Variants in GEMIN5 observed in about 807,000 individuals in gnomAD.
GEMIN5 encodes the protein gem-associated protein 5.
Under a neutral mutation model 176.9 loss-of-function variants are expected in GEMIN5, and 124 were observed. That is an observed-to-expected ratio of 0.70 (90% confidence interval 0.61 to 0.81). The LOEUF is 0.81. Among genes scored for constraint, GEMIN5 ranks in the 40% least tolerant of loss-of-function variants. The probability of loss-of-function intolerance (pLI) is 0.00; values close to 1 mark genes in which losing one functional copy is unlikely to be tolerated. For missense variants in GEMIN5, 1,843 were observed against 1,814.6 expected, an observed-to-expected ratio of 1.02 and a Z score of -0.28; for synonymous variants, 673 against 665.2, an observed-to-expected ratio of 1.01 and a Z score of -0.18.
intron 23 of GEMIN5, among the ~76,000 whole-genome samples, chr5:154,897,992 C>T (rs927365794): frequency 6.8e-5 from 10 of 147,030 alleles, no homozygotes; most frequent in African/African-American, 2.3e-4. Context: ...CTCCGCCTTC[C>T]GGGTTCAAGT....
intron 23 of GEMIN5, 39 bp downstream of exon 23, chr5:154,898,401 T>G (rs1219776112): frequency 2.0e-6 from 3 of 1,528,530 alleles, no homozygotes; most frequent in Non-Finnish European, 2.7e-6. Flanking sequence ...TTTGGGACAC[T>G]TCCCTCTTGT....
intron 22 of GEMIN5, 94 bp downstream of exon 22, chr5:154,899,097 C>A: frequency 8.1e-7 from 1 of 1,230,262 alleles, no homozygotes; most frequent in South Asian, 1.7e-5. Flanking sequence ...GCTGCTTTAC[C>A]TCCACCTCTA....
At position 154,895,461 on chromosome 5, in the gene GEMIN5, C is replaced by G. The variant is rs1452013651; in HGVS notation, c.3597+631G>C. 5.3e-5 allele frequency among the ~76,000 whole-genome samples: 8 copies of G among 151,994 alleles called. No homozygotes were observed. The East Asian group carries it at 9.7e-4, about 18-fold the overall frequency. ...AACAATGGCCTCTGAAATAAGCAAA[C>G]AGCAAAACAATACATGTGGCACTGA... On this transcript the variant is annotated intron_variant, in intron 24 of 27. Coordinates refer to ENST00000285873, the MANE Select transcript of GEMIN5 (RefSeq NM_015465.5).
intron 10 of GEMIN5, 38 bp downstream of exon 10, chr5:154,921,305 T>A (rs766869237): frequency 5.7e-6 from 5 of 883,218 alleles, no homozygotes; most frequent in Admixed American, 1.8e-5. Flanking sequence ...GAAGGAAGAA[T>A]ACTCTCATAT....
chr5:154,896,239 C>CGTG lies in GEMIN5; in HGVS notation c.3447_3449dup (p.Thr1150dup). 1 of 1,613,770 alleles carries CGTG rather than the reference C, an allele frequency of 6.2e-7. No homozygotes were observed. The highest frequency in any genetic ancestry group is 2.2e-5 in the East Asian group (1 of 44,850). ...TCTCCACGAAAGGCCCTTCGGTGCCCGTGTTCCAAGTGTGGTAAGAGGAGG... is the reference window on the plus strand; with the variant it reads ...TCTCCACGAAAGGCCCTTCGGTGCCCGTGGTGTTCCAAGTGTGGTAAGAGGAGG... On this transcript the variant is annotated inframe_insertion, in exon 24 of 28. Coordinates refer to ENST00000285873, the MANE Select transcript of GEMIN5 (RefSeq NM_015465.5).
chr5:154,924,261 T>A (rs898689706), intron 9 of GEMIN5, among the ~76,000 whole-genome samples: 1 of 152,114 alleles, frequency 6.6e-6, no homozygotes, highest in Non-Finnish European at 1.5e-5. Flanking sequence ...ATACGAAACA[T>A]AGGGAACAGG....
intron 3 of GEMIN5, among the ~76,000 whole-genome samples, chr5:154,933,390 T>C (rs895484611): frequency 6.6e-6 from 1 of 152,250 alleles, no homozygotes. Context: ...CTCTAGTTCC[T>C]GGCCAGTCAT....
chr5:154,933,609 A>G (rs561656192), intron 3 of GEMIN5, among the ~76,000 whole-genome samples: 2 of 152,356 alleles, frequency 1.3e-5, no homozygotes, highest in East Asian at 3.8e-4. Context: ...TGCATTATAC[A>G]AAGTGGCTGT....
At position 154,917,135 on chromosome 5, in the gene GEMIN5, G is replaced by A; in HGVS notation, c.1718C>T (p.Thr573Ile). ...CACAAGCTTGTGATGCTGTTGGATA[G>A]TACAGATCAGTTTCAGGTTGGGAAT... ...FQIPNLKLIC[T>I]IQQHHKLVNT... The change falls in exon 13 of 28, where the codon ACT (threonine) becomes ATT (isoleucine). Residue 573 changes from threonine (T) to isoleucine (I), a missense_variant. Transcript: ENST00000285873. 6.4e-7 allele frequency: 1 copy of A among 1,555,944 alleles called. No homozygotes were observed. The highest frequency in any genetic ancestry group is 8.8e-7 in the Non-Finnish European group (1 of 1,141,326).
At chr5:154,899,620 A>T (rs199636427) in intron 21 of GEMIN5, among the ~76,000 whole-genome samples, 1 of 1,100 alleles carries the variant, frequency 9.1e-4, no homozygotes, top group African/African-American at 1.0e-3. Flanking sequence ...CTTTTTTATT[A>T]AAAAAAAAAA....
chr5:154,899,100 C>G (rs1763413862), intron 22 of GEMIN5, 91 bp downstream of exon 22: 15 of 1,250,874 alleles, frequency 1.2e-5, no homozygotes, highest in Non-Finnish European at 1.7e-5. Flanking sequence ...GCTTTACCTC[C>G]ACCTCTAAAC....
intron 17 of GEMIN5, among the ~76,000 whole-genome samples, chr5:154,905,144 A>G (rs546062540): frequency 6.6e-6 from 1 of 152,324 alleles, no homozygotes; most frequent in Admixed American, 6.5e-5. Context: ...TAGTGAGCCA[A>G]GAGTGTGCCA....
rs1202522580 is a variant in GEMIN5 at position 154,887,527 on chromosome 5, A to G, written c.*683T>C. The stretch of plus-strand genomic sequence containing the variant: ...ATTCCTGAGCTATTTGACTGCCATC[A>G]ATCCATTTGTTATAAAACTGAAGGG... On this transcript the variant is annotated 3_prime_UTR_variant, in exon 28 of 28. Transcript: ENST00000285873. 1 of 152,232 alleles carries G rather than the reference A, an allele frequency of 6.6e-6. No individual in the cohort carries two copies. Among genetic ancestry groups the G allele is most frequent in the Non-Finnish European group, 1.5e-5 (1 of 68,044 alleles). The allele number at this position is 152,232 out of a possible 1,614,324, so 9.4% of individuals were successfully genotyped here. A position where few individuals can be genotyped will look rare whatever the true frequency, so the allele number is the denominator to read the frequency against.
At chr5:154,920,374 G>T (rs1763899452) in intron 10 of GEMIN5, among the ~76,000 whole-genome samples, 1 of 152,130 alleles carries the variant, frequency 6.6e-6, no homozygotes, top group Admixed American at 6.5e-5. Flanking sequence ...CATAATAATA[G>T]GGGTCCAAAA....
rs780584168 is a variant in GEMIN5, at chr5:154,917,935, C to T, written c.1669G>A (p.Asp557Asn). 2.5e-6 allele frequency: 4 copies of T among 1,602,712 alleles called. No homozygotes were observed. Among genetic ancestry groups the T allele is most frequent in the South Asian group, 2.2e-5 (2 of 90,870 alleles). Residue 557 changes from aspartate to asparagine, a missense_variant, in exon 12 of 28, where the codon GAT becomes AAT. Transcript: ENST00000285873. The stretch of plus-strand genomic sequence containing the variant: ...CTTAAAGAAGCAAATACATACCCAT[C>T]TTCATTGCCAAGAGCCATGATTTTG... ...DGKIMALGNEDGSIEIFQIPN... is the reference protein window; with the variant it reads ...DGKIMALGNENGSIEIFQIPN...
chr5:154,934,713 T>C (rs1489142354), intron 3 of GEMIN5, among the ~76,000 whole-genome samples: 2 of 152,142 alleles, frequency 1.3e-5, no homozygotes, highest in Non-Finnish European at 2.9e-5. Flanking sequence ...AATCCAACCA[T>C]CTCCTTTCTC....
In GEMIN5 at chr5:154,917,827, T is replaced by C. The variant is rs188107428; in HGVS notation, c.1673+104A>G. 102 of 766,516 alleles carry C rather than the reference T, an allele frequency of 1.3e-4. No individual in the cohort carries two copies. In the African/African-American group the frequency reaches 1.6e-3, roughly 12 times the overall value. The allele number at this position is 766,516 out of a possible 1,614,324, so 47.5% of individuals were successfully genotyped here. Reference sequence around the variant, plus strand: ...ATCAAGAATAAATCAAAATACCAAATACAACTGGGCCGCCCCAGCTAACAT... The same window carrying C: ...ATCAAGAATAAATCAAAATACCAAACACAACTGGGCCGCCCCAGCTAACAT... On this transcript the variant is annotated intron_variant, in intron 12 of 27. Transcript: ENST00000285873.
At position 154,920,032 on chromosome 5, in the gene GEMIN5, G is replaced by T; in HGVS notation, c.1534C>A (p.Pro512Thr). Residue 512 changes from proline to threonine, a missense_variant, in exon 11 of 28, where the codon CCC becomes ACC. Coordinates refer to ENST00000285873, the MANE Select transcript of GEMIN5 (RefSeq NM_015465.5). ...AAGGCTTCTCCACTAAGCTTCCAGG[G>T]ATTATGCTGTAAGACAATCCCTTCT... ...GGEGIVLQHN[P>T]WKLSGEAFDI... The T allele has an allele frequency of 6.2e-7, 1 of 1,612,958 alleles. No individual in the cohort carries two copies. Among genetic ancestry groups the T allele is most frequent in the Non-Finnish European group, 8.5e-7 (1 of 1,179,024 alleles).
rs1223804100 is a variant in GEMIN5 at position 154,920,015 on chromosome 5, T to C, written c.1551A>G (p.Gly517=). ...TGAGTTTGTTGATGTCAAAGGCTTC[T>C]CCACTAAGCTTCCAGGGATTATGCT... ...VLQHNPWKLS[G]EAFDINKLIR... The change falls in exon 11 of 28, where the codon GGA becomes GGG. Residue 517 remains glycine (G), a synonymous_variant. Transcript: ENST00000285873. 1.9e-6 allele frequency: 3 copies of C among 1,613,580 alleles called. No individual in the cohort carries two copies. Among genetic ancestry groups the C allele is most frequent in the East Asian group, 4.5e-5 (2 of 44,830 alleles).
Sources: allele counts gnomAD v4.1 joint callset (sites outside exome capture counted in the v4.1 genomes callset), GRCh38; gene constraint gnomAD v4.1.1; transcripts MANE v1.5; gene names NCBI Gene and HGNC (gene_info 2026-07-23, HGNC 2026-07-21).